The following TECPR2 variants were observed in gnomAD, a reference collection of about 807,000 sequenced individuals.
TECPR2 encodes tectonin beta-propeller repeat containing 2.
In TECPR2, 65 loss-of-function variants were observed where a neutral mutation model predicts 138.1. The observed-to-expected ratio is 0.47, with a 90% CI of 0.39 to 0.58. TECPR2 has a LOEUF of 0.58. Among genes scored for constraint, TECPR2 ranks in the 20% least tolerant of loss-of-function variants. The pLI is 0.00. For missense variants in TECPR2, 1,553 were observed against 1,824.5 expected (o/e 0.85, Z 2.71); for synonymous variants, 746 against 749.8 (o/e 0.99, Z 0.08).
At chr14:102,424,612 G>T (rs1235522871) in intron 5 of TECPR2, among the ~76,000 whole-genome samples, 1 of 152,364 alleles carries the variant, frequency 6.6e-6, no homozygotes, top group African/African-American at 2.4e-5. Context: ...GAGATTGCAG[G>T]CATGATGCAT....
intron 17 of TECPR2, among the ~76,000 whole-genome samples, chr14:102,467,222 G>A (rs1042091490): frequency 2.6e-5 from 4 of 151,736 alleles, no homozygotes; most frequent in Non-Finnish European, 5.9e-5. Flanking sequence ...ATTCTGTGTT[G>A]AACTTTTTAA....
At chr14:102,497,219 C>T (rs1595153105) in intron 18 of TECPR2, 99 bp downstream of exon 18, 1 of 1,490,184 alleles carries the variant, frequency 6.7e-7, no homozygotes, top group East Asian at 2.4e-5. Flanking sequence ...TGTGAGGCAG[C>T]CTTTGTGCTG....
chr14:102,411,861 G>A (rs79979135), intron 4 of TECPR2, among the ~76,000 whole-genome samples: 5,714 of 152,110 alleles, frequency 0.038, 119 homozygotes, highest in Middle Eastern at 0.092. Flanking sequence ...TTTTCAGATA[G>A]TTGTGGACAT....
chr14:102,393,261 A>T (rs1888226821), intron 2 of TECPR2, among the ~76,000 whole-genome samples: 1 of 152,108 alleles, frequency 6.6e-6, no homozygotes, highest in Non-Finnish European at 1.5e-5. Flanking sequence ...TATATATTGC[A>T]CTCAGCATTG....
At chr14:102,437,913 G>T (rs137956850) in intron 9 of TECPR2, 109 bp from the exon 10 acceptor site, 3 of 1,323,106 alleles carry the variant, frequency 2.3e-6, no homozygotes, top group Non-Finnish European at 3.1e-6. Flanking sequence ...TTGCTGACCC[G>T]TTTTACCGTC....
At chr14:102,387,867 C>CTG (rs1383396357) in intron 2 of TECPR2, among the ~76,000 whole-genome samples, 1 of 152,112 alleles carries the variant, frequency 6.6e-6, no homozygotes, top group Non-Finnish European at 1.5e-5. Flanking sequence ...GAAGGTCTGA[C>CTG]TGAGAAGGTG....
chr14:102,481,050 C>G, intron 17 of TECPR2, among the ~76,000 whole-genome samples: 1 of 148,854 alleles, frequency 6.7e-6, no homozygotes, highest in South Asian at 2.1e-4. Flanking sequence ...CTCACTCTGT[C>G]ACCCAGGCGC....
chr14:102,412,384 C>G (rs1888903774), intron 4 of TECPR2, among the ~76,000 whole-genome samples: 1 of 152,140 alleles, frequency 6.6e-6, no homozygotes, highest in Non-Finnish European at 1.5e-5. Context: ...CTGCTCACCA[C>G]AGTCTTCCAA....
At chr14:102,463,115 G>A (rs1056931735) in intron 16 of TECPR2, among the ~76,000 whole-genome samples, 4 of 152,176 alleles carry the variant, frequency 2.6e-5, no homozygotes, top group African/African-American at 9.7e-5. Flanking sequence ...TGGGGAAACT[G>A]GCGGTTTCTT....
chr14:102,390,975 G>C (rs1597778707), intron 2 of TECPR2, among the ~76,000 whole-genome samples: 1 of 152,120 alleles, frequency 6.6e-6, no homozygotes, highest in African/African-American at 2.4e-5. Context: ...AAAAGATTGA[G>C]TATCTGAGTC....
intron 17 of TECPR2, among the ~76,000 whole-genome samples, chr14:102,477,639 C>T (rs1291985094): frequency 1.4e-5 from 2 of 147,390 alleles, no homozygotes; most frequent in Non-Finnish European, 3.0e-5. Context: ...CAAGCTCCGC[C>T]TCCTGGGTTC....
intron 2 of TECPR2, among the ~76,000 whole-genome samples, chr14:102,385,648 G>T (rs1887976808): frequency 6.6e-6 from 1 of 152,084 alleles, no homozygotes. Flanking sequence ...AAAGATTTTA[G>T]CTAGTCCAGG....
chr14:102,477,661 C>G (rs1390321569), intron 17 of TECPR2, among the ~76,000 whole-genome samples: 3 of 147,528 alleles, frequency 2.0e-5, no homozygotes, highest in South Asian at 4.4e-4. Flanking sequence ...TACCATTCTC[C>G]TGCCTCAGCC....
intron 2 of TECPR2, among the ~76,000 whole-genome samples, chr14:102,398,838 G>A (rs76343481): frequency 0.019 from 2,903 of 151,958 alleles, 97 homozygotes; most frequent in African/African-American, 0.066. Context: ...CTGGCCTACC[G>A]AATGAGACCC....
At chr14:102,369,505 C>T (rs1887436331) in intron 1 of TECPR2, among the ~76,000 whole-genome samples, 1 of 152,204 alleles carries the variant, frequency 6.6e-6, no homozygotes, top group African/African-American at 2.4e-5. Context: ...CCTCCAGGTT[C>T]AGTCGATCCT....
rs748372168 is a variant in TECPR2, at chr14:102,457,869, C to CTTTTT, written c.3640+5259_3640+5263dup. ...CGCTCCTCTGCTCCCACTAAATTCCCTTTTTTTTTTTTTTTTTTTTTGAGA... is the reference window on the plus strand; with the variant it reads ...CGCTCCTCTGCTCCCACTAAATTCCCTTTTTTTTTTTTTTTTTTTTTTTTTTGAGA... On this transcript the variant is annotated intron_variant, in intron 16 of 19. Transcript: ENST00000359520. 1.7e-3 allele frequency among the ~76,000 whole-genome samples: 178 copies of CTTTTT among 102,738 alleles called. 12 individuals are homozygous for CTTTTT. Among genetic ancestry groups the CTTTTT allele is most frequent in the African/African-American group, 2.7e-3 (66 of 24,490 alleles). The allele number at this position is 102,738 out of a possible 152,430, so 67.4% of individuals were successfully genotyped here.
At chr14:102,470,969 C>T (rs552245094) in intron 17 of TECPR2, among the ~76,000 whole-genome samples, 4 of 152,234 alleles carry the variant, frequency 2.6e-5, no homozygotes, top group African/African-American at 9.6e-5. Context: ...CAGGCATGCA[C>T]CGCCACACCC....
At position 102,499,120 on chromosome 14, in the gene TECPR2, G is replaced by A. The variant is rs1489669524; in HGVS notation, c.*863G>A. ...AGCACACTTCAGCTGAAACAGTAAA[G>A]CCTGATGGGTGCAAATGGAACCTGG... is the stretch of plus-strand genomic sequence containing the variant. On this transcript the variant is annotated 3_prime_UTR_variant, in exon 20 of 20. Transcript: ENST00000359520. 3 of 703,042 alleles carry A rather than the reference G, an allele frequency of 4.3e-6. No individual in the cohort carries two copies. The highest frequency in any genetic ancestry group is 5.2e-6 in the Non-Finnish European group (2 of 385,002). The allele number at this position is 703,042 out of a possible 1,614,324, so 43.6% of individuals were successfully genotyped here.
Position 102,414,677 on chromosome 14 carries a change from C to T in TECPR2, c.522C>T (p.Ser174=). 6.2e-7 allele frequency: 1 copy of T among 1,614,230 alleles called. No individual in the cohort carries two copies. The highest frequency in any genetic ancestry group is 8.5e-7 in the Non-Finnish European group (1 of 1,180,040). ...NSQLVLEEPS[S]IVQLDYSQKV... Reference sequence around the variant, plus strand: ...AGCTGGTGTTGGAGGAGCCATCTTCCATTGTGCAGCTGGATTATAGCCAGA... The same window carrying T: ...AGCTGGTGTTGGAGGAGCCATCTTCTATTGTGCAGCTGGATTATAGCCAGA... Residue 174 remains serine, a synonymous_variant, in exon 5 of 20, where the codon TCC becomes TCT. Coordinates refer to ENST00000359520, the MANE Select transcript of TECPR2 (RefSeq NM_014844.5).
Sources: gnomAD v4.1 joint callset for allele counts (sites outside exome capture counted in the v4.1 genomes callset) on GRCh38, gnomAD v4.1.1 for gene constraint, MANE v1.5 for transcripts, NCBI Gene and HGNC (gene_info 2026-07-23, HGNC 2026-07-21) for gene names.